The following STX18 variants were observed in gnomAD, a reference collection of about 807,000 sequenced individuals.
STX18 encodes syntaxin 18.
A neutral mutation model predicts 50.1 loss-of-function variants in STX18; 40 were observed. That is an observed-to-expected ratio of 0.80 (90% CI 0.62 to 1.04). The LOEUF is 1.04. Ranked by LOEUF, STX18 falls within the 50% of genes least tolerant of loss-of-function variation. The probability of loss-of-function intolerance (pLI) is 0.00; values close to 1 mark genes in which losing one functional copy is unlikely to be tolerated. For missense variants in STX18, 410 were observed against 415.8 expected (o/e 0.99, Z 0.12); for synonymous variants, 158 against 151.8 (o/e 1.04, Z -0.30).
At chr4:4,519,605 A>G (rs1028167754) in intron 1 of STX18, among the ~76,000 whole-genome samples, 4 of 152,166 alleles carry the variant, frequency 2.6e-5, no homozygotes, top group Non-Finnish European at 5.9e-5. Flanking sequence ...TAGCTGTAAA[A>G]CAGCTGAGAA....
chr4:4,503,439 C>G (rs746145898), intron 1 of STX18, among the ~76,000 whole-genome samples: 20 of 152,072 alleles, frequency 1.3e-4, no homozygotes, highest in Non-Finnish European at 2.6e-4. Context: ...ACAAAGGTAA[C>G]TCAACACAGA....
intron 8 of STX18, 150 bp downstream of exon 8, chr4:4,425,014 G>T: frequency 1.5e-6 from 1 of 686,092 alleles, no homozygotes; most frequent in East Asian, 2.7e-5. Context: ...CAGGCCACAT[G>T]CCCACCCCAG....
intron 5 of STX18, among the ~76,000 whole-genome samples, chr4:4,455,932 C>T (rs1431712731): frequency 3.9e-5 from 6 of 152,056 alleles, no homozygotes; most frequent in African/African-American, 1.4e-4. Context: ...TCCCATGAGA[C>T]CTCTTAGTGA....
intron 5 of STX18, among the ~76,000 whole-genome samples, chr4:4,450,736 T>A (rs1465334682): frequency 1.3e-5 from 2 of 152,028 alleles, no homozygotes; most frequent in Non-Finnish European, 2.9e-5. Flanking sequence ...TAAGCCACCC[T>A]CTCCTCCCTG....
At chr4:4,434,892 A>G (rs1382260684) in intron 6 of STX18, 34 bp from the exon 7 acceptor site, 1 of 1,506,282 alleles carries the variant, frequency 6.6e-7, no homozygotes, top group Non-Finnish European at 9.1e-7. Context: ...AGAAGACCAA[A>G]TATGTGTTTT....
chr4:4,479,752 A>G (rs561484313), intron 1 of STX18, among the ~76,000 whole-genome samples: 1 of 152,346 alleles, frequency 6.6e-6, no homozygotes, highest in African/African-American at 2.4e-5. Context: ...TCATTATAAA[A>G]CAGCAGTATG....
At chr4:4,529,162 G>T (rs139656635) in intron 1 of STX18, among the ~76,000 whole-genome samples, 2,146 of 152,218 alleles carry the variant, frequency 0.014, 56 homozygotes, top group African/African-American at 0.049. Flanking sequence ...AGGAGATCGA[G>T]ACTATCCTGG....
chr4:4,518,794 C>A (rs1327781189), intron 1 of STX18, among the ~76,000 whole-genome samples: 8 of 152,156 alleles, frequency 5.3e-5, no homozygotes, highest in Admixed American at 2.6e-4. Flanking sequence ...CTCTAGCTCA[C>A]AACGGTTTAC....
chr4:4,473,161 T>C (rs1378030502), intron 1 of STX18, among the ~76,000 whole-genome samples: 1 of 152,168 alleles, frequency 6.6e-6, no homozygotes, highest in African/African-American at 2.4e-5. Flanking sequence ...GTTACACATT[T>C]AGTATGTGAG....
At chr4:4,428,965 T>C (rs922850909) in intron 7 of STX18, among the ~76,000 whole-genome samples, 3 of 152,272 alleles carry the variant, frequency 2.0e-5, no homozygotes, top group African/African-American at 7.2e-5. Context: ...GCCGCTGCTC[T>C]GGGCTCCCTG....
At chr4:4,463,565 A>G (rs1727486420) in intron 2 of STX18, among the ~76,000 whole-genome samples, 1 of 152,220 alleles carries the variant, frequency 6.6e-6, no homozygotes, top group Non-Finnish European at 1.5e-5. Flanking sequence ...TTCAAGGAAA[A>G]GGGAAGTTAA....
rs181482235 is a variant in STX18 at position 4,488,026 on chromosome 4, G to T, written c.169-16320C>A. Among the ~76,000 whole-genome samples, 323 of 147,786 alleles carry T rather than the reference G, an allele frequency of 2.2e-3. 6 individuals are homozygous for T. Among genetic ancestry groups the T allele is most frequent in the East Asian group, 0.011 (58 of 5,052 alleles). ...TTGTGGTCATGATGTGTTAAAAGTT[G>T]TTTTTTTTTTAAATGTGGAATTGTT... On this transcript the variant is annotated intron_variant, in intron 1 of 10. Transcript: ENST00000306200.
chr4:4,522,006 A>G (rs1730528599), intron 1 of STX18, among the ~76,000 whole-genome samples: 1 of 152,190 alleles, frequency 6.6e-6, no homozygotes, highest in African/African-American at 2.4e-5. Context: ...ATTTTAAACA[A>G]TATCTACTGT....
chr4:4,534,812 C>T (rs1334301672), intron 1 of STX18, among the ~76,000 whole-genome samples: 2 of 152,278 alleles, frequency 1.3e-5, no homozygotes, highest in Non-Finnish European at 2.9e-5. Flanking sequence ...TCTGCTGCTA[C>T]AGCATGAAAG....
At chr4:4,464,594 C>T (rs1199891344) in intron 2 of STX18, among the ~76,000 whole-genome samples, 1 of 152,132 alleles carries the variant, frequency 6.6e-6, no homozygotes, top group Non-Finnish European at 1.5e-5. Context: ...TTTAAGGACA[C>T]TTTCTCTGAC....
chr4:4,468,337 G>A (rs1727726562), intron 2 of STX18, among the ~76,000 whole-genome samples: 3 of 152,060 alleles, frequency 2.0e-5, no homozygotes, highest in Admixed American at 6.6e-5. Flanking sequence ...GAAGTTGCAG[G>A]GGCTAACTTG....
At chr4:4,474,357 C>A (rs1211522337) in intron 1 of STX18, among the ~76,000 whole-genome samples, 2 of 152,122 alleles carry the variant, frequency 1.3e-5, no homozygotes, top group Non-Finnish European at 2.9e-5. Context: ...ACAAAGCAGA[C>A]CCTCAGAAAC....
intron 1 of STX18, among the ~76,000 whole-genome samples, chr4:4,484,289 G>A (rs1728606385): frequency 6.6e-6 from 1 of 152,208 alleles, no homozygotes; most frequent in Non-Finnish European, 1.5e-5. Context: ...TACTCTCTGT[G>A]TCAGCAGAAA....
intron 2 of STX18, among the ~76,000 whole-genome samples, chr4:4,462,342 C>T (rs960551580): frequency 6.6e-6 from 1 of 152,188 alleles, no homozygotes; most frequent in African/African-American, 2.4e-5. Context: ...TAATTTAATC[C>T]TCACGAGAAC....
Sources: allele counts gnomAD v4.1 joint callset (sites outside exome capture counted in the v4.1 genomes callset), GRCh38; gene constraint gnomAD v4.1.1; transcripts MANE v1.5; gene names NCBI Gene and HGNC (gene_info 2026-07-23, HGNC 2026-07-21).